Variants in ACCSL observed in about 807,000 individuals in gnomAD.
The protein encoded by ACCSL is 1-aminocyclopropane-1-carboxylate synthase homolog (inactive) like.
Under a neutral mutation model 61.7 loss-of-function variants are expected in ACCSL, and 55 were observed. The ratio of observed to expected loss-of-function variants is 0.89; its 90% CI spans 0.72 to 1.12. The LOEUF is 1.12. Among genes scored for constraint, ACCSL ranks in the 50% most tolerant of loss-of-function variants. The pLI, the probability that ACCSL is intolerant of heterozygous loss-of-function variation, is 0.00. For synonymous variants in ACCSL, 258 were observed against 264.3 expected (o/e 0.98, Z 0.23); for missense variants, 632 against 698.0 (o/e 0.91, Z 1.07).
chr11:43,988,106 C>T, the ACCSL span, among the ~76,000 whole-genome samples: 1 of 152,164 alleles, frequency 6.6e-6, no homozygotes, highest in African/African-American at 2.4e-5. Context: ...CTTCTGTGAA[C>T]TTGATCCTCT....
At chr11:43,924,556 G>A in the ACCSL span, among the ~76,000 whole-genome samples, 698 of 152,354 alleles carry the variant, frequency 4.6e-3, 7 homozygotes, top group African/African-American at 0.016. Flanking sequence ...GCCGGAGGCC[G>A]GGAACCCAGT....
the ACCSL span, among the ~76,000 whole-genome samples, chr11:43,983,491 C>G: frequency 6.6e-6 from 1 of 152,010 alleles, no homozygotes; most frequent in Admixed American, 6.6e-5. Context: ...AGGGTAGGAA[C>G]GAAATTGGTG....
rs1027446823 is a variant in ACCSL at position 44,058,169 on chromosome 11, G to GT, written c.1328-141dup. ...GCCTGGGTGACAGAGGGAAACTCTG[G>GT]TTTTTTTGTTTTTTTTAAAAACAGA... On this transcript the variant is annotated intron_variant, in intron 11 of 13. Coordinates refer to ENST00000378832, the MANE Select transcript of ACCSL (RefSeq NM_001031854.2). The GT allele has an allele frequency of 1.1e-4, 107 of 1,014,474 alleles. 1 individual carries two copies. Among genetic ancestry groups the GT allele is most frequent in the Admixed American group, 3.9e-4 (14 of 35,446 alleles). 62.8% of individuals were successfully genotyped at this position (1,014,474 alleles called of 1,614,324 possible). A position where few individuals can be genotyped will look rare whatever the true frequency, so the allele number is the denominator to read the frequency against.
the ACCSL span, among the ~76,000 whole-genome samples, chr11:43,982,316 C>T: frequency 1.3e-4 from 20 of 150,854 alleles, no homozygotes; most frequent in South Asian, 3.6e-3. Flanking sequence ...AAACCTCCAC[C>T]TCCCAGGTTC....
At chr11:44,009,224 A>G in the ACCSL span, among the ~76,000 whole-genome samples, 2 of 152,076 alleles carry the variant, frequency 1.3e-5, no homozygotes, top group Non-Finnish European at 1.5e-5. Flanking sequence ...GGAAGCTACC[A>G]TTATTGAACA....
the ACCSL span, among the ~76,000 whole-genome samples, chr11:43,972,006 A>T: frequency 6.6e-6 from 1 of 152,212 alleles, no homozygotes; most frequent in East Asian, 1.9e-4. Flanking sequence ...CTACCCTGAT[A>T]GACTCTGAGC....
chr11:43,947,380 T>C, the ACCSL span, among the ~76,000 whole-genome samples: 1 of 151,992 alleles, frequency 6.6e-6, no homozygotes, highest in Admixed American at 6.6e-5. Context: ...ATATCAGAGG[T>C]CCTACCAGGC....
At chr11:43,980,356 T>C in the ACCSL span, among the ~76,000 whole-genome samples, 1 of 152,252 alleles carries the variant, frequency 6.6e-6, no homozygotes, top group Non-Finnish European at 1.5e-5. Flanking sequence ...CACATTGTTC[T>C]GTAGAAACAT....
At chr11:43,977,363 G>T in the ACCSL span, among the ~76,000 whole-genome samples, 1 of 152,196 alleles carries the variant, frequency 6.6e-6, no homozygotes, top group Non-Finnish European at 1.5e-5. Flanking sequence ...GTAGTCACAA[G>T]GGTCTTTAAA....
the ACCSL span, among the ~76,000 whole-genome samples, chr11:43,959,598 C>T: frequency 5.6e-4 from 86 of 152,292 alleles, no homozygotes; most frequent in African/African-American, 1.8e-3. Context: ...TGGGACTGGG[C>T]GGTGGCAGAC....
chr11:43,974,930 G>T, the ACCSL span, among the ~76,000 whole-genome samples: 1 of 152,166 alleles, frequency 6.6e-6, no homozygotes, highest in African/African-American at 2.4e-5. Context: ...GAGATCGAGA[G>T]ATAATACATG....
chr11:43,922,145 CCTT>C, the ACCSL span: 3 of 152,128 alleles, frequency 2.0e-5, no homozygotes, highest in Admixed American at 1.3e-4. Flanking sequence ...TTTTTGCTGC[CCTT>C]CTTCTGAGCT....
the ACCSL span, among the ~76,000 whole-genome samples, chr11:43,979,177 T>C: frequency 5.3e-5 from 8 of 151,986 alleles, no homozygotes; most frequent in Non-Finnish European, 8.8e-5. Context: ...CAAATAATTT[T>C]AAAAATTAGC....
At chr11:43,963,908 G>C in the ACCSL span, among the ~76,000 whole-genome samples, 2 of 152,094 alleles carry the variant, frequency 1.3e-5, 1 homozygote, top group South Asian at 4.2e-4. Flanking sequence ...TTTTTGGCCA[G>C]AATTGTATCT....
the ACCSL span, among the ~76,000 whole-genome samples, chr11:43,955,817 T>C: frequency 6.6e-6 from 1 of 151,984 alleles, no homozygotes; most frequent in East Asian, 1.9e-4. Context: ...TTAGCACAAT[T>C]CAAGCTCCTC....
chr11:43,992,540 T>C, the ACCSL span, among the ~76,000 whole-genome samples: 1 of 152,344 alleles, frequency 6.6e-6, no homozygotes, highest in Non-Finnish European at 1.5e-5. Context: ...CATTTATCTT[T>C]GTGTTCCAGA....
the ACCSL span, among the ~76,000 whole-genome samples, chr11:43,961,208 G>A: frequency 6.6e-6 from 1 of 152,056 alleles, no homozygotes; most frequent in Non-Finnish European, 1.5e-5. Flanking sequence ...GGACATTGTT[G>A]AGATTATTCT....
upstream of ACCSL, chr11:44,047,967 T>G (rs1952609714): frequency 6.5e-7 from 1 of 1,540,890 alleles, no homozygotes; most frequent in African/African-American, 1.4e-5. Flanking sequence ...CCTCCTTTGC[T>G]CCATTGTCAA....
chr11:43,932,851 T>C, the ACCSL span, among the ~76,000 whole-genome samples: 1 of 152,234 alleles, frequency 6.6e-6, no homozygotes, highest in African/African-American at 2.4e-5. Context: ...AAGCGGTTCC[T>C]TCCAGGGCTC....
Sources: gnomAD v4.1 joint callset for allele counts (sites outside exome capture counted in the v4.1 genomes callset) on GRCh38, gnomAD v4.1.1 for gene constraint, MANE v1.5 for transcripts, NCBI Gene and HGNC (gene_info 2026-07-23, HGNC 2026-07-21) for gene names.